Variants in GADL1 observed in about 807,000 individuals in gnomAD.
GADL1 encodes GAD like acidic amino acid decarboxylase 1.
GADL1 carries 71 observed loss-of-function variants against 69.5 expected under a neutral mutation model. The ratio of observed to expected loss-of-function variants is 1.02; its 90% CI spans 0.84 to 1.25. The LOEUF (loss-of-function observed/expected upper bound fraction) is 1.25, where lower values mean the gene tolerates loss of function less well. Among genes scored for constraint, GADL1 ranks in the 50% most tolerant of loss-of-function variants. The probability of loss-of-function intolerance (pLI) is 0.00; values close to 1 mark genes in which losing one functional copy is unlikely to be tolerated. For synonymous variants in GADL1, 254 were observed against 214.4 expected, an observed-to-expected ratio of 1.18 and a Z score of -1.62; for missense variants, 737 against 631.8, an observed-to-expected ratio of 1.17 and a Z score of -1.79.
chr3:30,777,251 T>TAA (rs564268499), intron 14 of GADL1, among the ~76,000 whole-genome samples: 2 of 147,862 alleles, frequency 1.4e-5, no homozygotes, highest in Non-Finnish European at 3.0e-5. Flanking sequence ...AAATTGCTTT[T>TAA]AAAAAAAAAA....
intron 14 of GADL1, among the ~76,000 whole-genome samples, chr3:30,758,945 G>T (rs1696050256): frequency 6.6e-6 from 1 of 152,152 alleles, no homozygotes; most frequent in African/African-American, 2.4e-5. Context: ...ATATTGCAGA[G>T]GCTTACACAT....
intron 14 of GADL1, among the ~76,000 whole-genome samples, chr3:30,764,732 A>C (rs1309909827): frequency 6.6e-6 from 1 of 152,240 alleles, no homozygotes; most frequent in Non-Finnish European, 1.5e-5. Flanking sequence ...GTACCAAACT[A>C]AACTGCCACA....
chr3:30,889,824 C>A (rs1018605086), intron 1 of GADL1, among the ~76,000 whole-genome samples: 1 of 152,168 alleles, frequency 6.6e-6, no homozygotes, highest in African/African-American at 2.4e-5. Context: ...TTATAATATA[C>A]ATAGTTTATA....
At chr3:30,825,820 C>T (rs1475707309) in intron 11 of GADL1, among the ~76,000 whole-genome samples, 1 of 151,854 alleles carries the variant, frequency 6.6e-6, no homozygotes, top group Non-Finnish European at 1.5e-5. Flanking sequence ...ATACCTAACA[C>T]ATGCAAGGTT....
chr3:30,876,071 G>A (rs1323808409), intron 1 of GADL1, among the ~76,000 whole-genome samples: 1 of 151,946 alleles, frequency 6.6e-6, no homozygotes, highest in African/African-American at 2.4e-5. Flanking sequence ...CTACAATTGT[G>A]TGTAAGGTCT....
intron 14 of GADL1, among the ~76,000 whole-genome samples, chr3:30,761,825 C>A (rs776122902): frequency 2.0e-5 from 3 of 152,136 alleles, no homozygotes; most frequent in Non-Finnish European, 4.4e-5. Flanking sequence ...TAGATTCAAA[C>A]CTATGGTCAA....
intron 14 of GADL1, among the ~76,000 whole-genome samples, chr3:30,765,340 T>A (rs1034545856): frequency 5.9e-5 from 9 of 152,170 alleles, no homozygotes; most frequent in African/African-American, 2.2e-4. Flanking sequence ...TGAGTAGTCA[T>A]ATTCTGTAAA....
chr3:30,861,853 C>T (rs1698325966), intron 1 of GADL1, 88 bp from the exon 2 acceptor site: 1 of 739,132 alleles, frequency 1.4e-6, no homozygotes. Flanking sequence ...ACTATCCCAG[C>T]TTCAGATGGC....
chr3:30,829,692 A>G (rs1366292434), intron 11 of GADL1, among the ~76,000 whole-genome samples: 3 of 151,930 alleles, frequency 2.0e-5, no homozygotes, highest in Non-Finnish European at 1.5e-5. Context: ...TGATTAATGT[A>G]TTTAATCAAC....
intron 1 of GADL1, among the ~76,000 whole-genome samples, chr3:30,892,652 G>T (rs1698800784): frequency 6.6e-6 from 1 of 151,964 alleles, no homozygotes; most frequent in Non-Finnish European, 1.5e-5. Flanking sequence ...TTTTGTTACT[G>T]TTTTTAAAAG....
intron 1 of GADL1, among the ~76,000 whole-genome samples, chr3:30,869,863 A>G (rs1409734253): frequency 2.0e-5 from 3 of 151,828 alleles, no homozygotes; most frequent in Non-Finnish European, 2.9e-5. Flanking sequence ...AAAATCCAAT[A>G]AGGGAAATTA....
chr3:30,790,754 T>C (rs1054919619), intron 12 of GADL1, among the ~76,000 whole-genome samples: 6 of 152,086 alleles, frequency 3.9e-5, no homozygotes, highest in Admixed American at 3.9e-4. Flanking sequence ...TGCACATATA[T>C]TTATATGTAC....
intron 11 of GADL1, among the ~76,000 whole-genome samples, chr3:30,814,999 A>G (rs968706236): frequency 3.3e-5 from 5 of 152,054 alleles, no homozygotes; most frequent in African/African-American, 1.2e-4. Flanking sequence ...TCATTAAGGC[A>G]AATTTTTAAT....
chr3:30,860,593 C>A lies in GADL1; in HGVS notation c.210+1000G>T, dbSNP rs1013589968. Among the ~76,000 whole-genome samples, 11 of 151,934 alleles carry A rather than the reference C, an allele frequency of 7.2e-5. No homozygotes were observed. The South Asian group carries it at 2.1e-3, about 29-fold the overall frequency. On this transcript the variant is annotated intron_variant, in intron 2 of 14. Coordinates refer to ENST00000282538, the MANE Select transcript of GADL1 (RefSeq NM_207359.3). ...ATCAATCTATTTTCCTACTAGTTTT[C>A]CGAAAGGCATGTGATCAAAAATTCA...
chr3:30,768,511 T>C (rs1412066900), intron 14 of GADL1, among the ~76,000 whole-genome samples: 1 of 140,904 alleles, frequency 7.1e-6, no homozygotes, highest in Non-Finnish European at 1.5e-5. Flanking sequence ...GAACAAGATA[T>C]TAGAGGAAAT....
chr3:30,750,011 T>A lies in GADL1; in HGVS notation c.1393-21596A>T, dbSNP rs190357112. Among the ~76,000 whole-genome samples the A allele has an allele frequency of 1.6e-3, 249 of 152,312 alleles. 1 individual carries two copies. The highest frequency in any genetic ancestry group is 5.7e-3 in the African/African-American group (238 of 41,570). ...AGACAAAGGTCAGATTTTGCTGTCA[T>A]TCAATCAGCTGTGTGTTGTGTAGGC... On this transcript the variant is annotated intron_variant, in intron 14 of 14. Transcript: ENST00000282538.
At chr3:30,751,343 C>T (rs552948193) in intron 14 of GADL1, among the ~76,000 whole-genome samples, 32 of 152,086 alleles carry the variant, frequency 2.1e-4, no homozygotes, top group Middle Eastern at 6.8e-3. Context: ...TCTTGAGCCG[C>T]TTGCTGGTGT....
intron 14 of GADL1, among the ~76,000 whole-genome samples, chr3:30,769,565 CA>C (rs11345250): frequency 0.99 from 150,260 of 152,246 alleles, 74,164 homozygotes; most frequent in East Asian, 1. Flanking sequence ...GCTTAGGCTA[CA>C]AAGAACATCT....
chr3:30,848,011 T>A (rs1698084533), intron 6 of GADL1, among the ~76,000 whole-genome samples: 1 of 152,150 alleles, frequency 6.6e-6, no homozygotes, highest in African/African-American at 2.4e-5. Flanking sequence ...AAACCTGAGC[T>A]GATAACCTGG....
Sources: gnomAD v4.1 joint callset for allele counts (sites outside exome capture counted in the v4.1 genomes callset) on GRCh38, gnomAD v4.1.1 for gene constraint, MANE v1.5 for transcripts, NCBI Gene and HGNC (gene_info 2026-07-23, HGNC 2026-07-21) for gene names.